Variants in UBFD1 observed in about 807,000 individuals in gnomAD.
UBFD1 encodes the protein ubiquitin domain-containing protein UBFD1.
A neutral mutation model predicts 35.1 loss-of-function variants in UBFD1; 12 were observed. The observed-to-expected ratio is 0.34, with a 90% confidence interval of 0.22 to 0.55. The LOEUF is 0.55. Ranked by LOEUF, UBFD1 falls within the 20% of genes least tolerant of loss-of-function variation. UBFD1 has a pLI of 0.89. For missense variants in UBFD1, 337 were observed against 410.8 expected, an observed-to-expected ratio of 0.82 and a Z score of 1.55; for synonymous variants, 178 against 167.6, an observed-to-expected ratio of 1.06 and a Z score of -0.48.
At chr16:23,561,741 G>T (rs1965937323) in intron 3 of UBFD1, 1 of 152,912 alleles carries the variant, frequency 6.5e-6, no homozygotes, top group South Asian at 2.1e-4. Flanking sequence ...GTTGAAAAAG[G>T]TGGGTGCCAT....
In UBFD1 at chr16:23,572,256, A is replaced by C. The variant is rs770919458; in HGVS notation, c.*1666A>C. 6.6e-6 allele frequency: 1 copy of C among 152,562 alleles called. No homozygotes were observed. Among genetic ancestry groups the C allele is most frequent in the Non-Finnish European group, 1.5e-5 (1 of 68,040 alleles). The allele number at this position is 152,562 out of a possible 1,614,324, so 9.5% of individuals were successfully genotyped here. A position where few individuals can be genotyped will look rare whatever the true frequency, so the allele number is the denominator to read the frequency against. On this transcript the variant is annotated 3_prime_UTR_variant, in exon 7 of 7. Coordinates refer to ENST00000395878, the MANE Select transcript of UBFD1 (RefSeq NM_019116.3). Reference sequence around the variant, plus strand: ...TTTGGGGGCAATTAGTACATTTGTGAAGTGCAGCATCCAAGAAACAGCCTG... The same window carrying C: ...TTTGGGGGCAATTAGTACATTTGTGCAGTGCAGCATCCAAGAAACAGCCTG...
chr16:23,561,891 C>A, intron 3 of UBFD1: 1 of 226,146 alleles, frequency 4.4e-6, no homozygotes, highest in Non-Finnish European at 8.4e-6. Flanking sequence ...ACTTTGATAT[C>A]TAATATGGTA....
intron 3 of UBFD1, 108 bp downstream of exon 3, chr16:23,559,784 A>C: frequency 6.4e-7 from 1 of 1,555,904 alleles, no homozygotes; most frequent in East Asian, 2.4e-5. Context: ...GACAGGGCCC[A>C]TGATGGAAAT....
chr16:23,560,951 G>A (rs1042060509), intron 3 of UBFD1, among the ~76,000 whole-genome samples: 2 of 152,096 alleles, frequency 1.3e-5, no homozygotes, highest in Non-Finnish European at 2.9e-5. Context: ...AGGAGTGGTC[G>A]CAATGGTCAC....
At chr16:23,562,800 A>G (rs537463585) in intron 5 of UBFD1, 70 bp downstream of exon 5, 152 of 1,355,830 alleles carry the variant, frequency 1.1e-4, no homozygotes, top group Non-Finnish European at 1.5e-4. Flanking sequence ...CACATTTTAG[A>G]GTGCGATTTC....
intron 3 of UBFD1, chr16:23,559,942 G>T: frequency 1.4e-6 from 2 of 1,393,030 alleles, no homozygotes; most frequent in South Asian, 2.9e-5. Context: ...TGTGTTGAAA[G>T]GAATCAGACG....
intron 4 of UBFD1, 65 bp downstream of exon 4, chr16:23,562,336 C>T: frequency 6.9e-7 from 1 of 1,449,192 alleles, no homozygotes; most frequent in Non-Finnish European, 9.5e-7. Context: ...CTTGAGGTTC[C>T]TCCAATCCTG....
Position 23,572,178 on chromosome 16 carries a change from G to C in UBFD1, c.*1588G>C, listed in dbSNP as rs563321158. 6.5e-6 allele frequency: 1 copy of C among 152,732 alleles called. No homozygotes were observed. The highest frequency in any genetic ancestry group is 2.1e-4 in the South Asian group (1 of 4,822). The allele number at this position is 152,732 out of a possible 1,614,324, so 9.5% of individuals were successfully genotyped here. ...CATAGACAGACTCTTGCTTTCCATG[G>C]TGTAGTCAATGCCAAGTGATGCATC... On this transcript the variant is annotated 3_prime_UTR_variant, in exon 7 of 7. Coordinates refer to ENST00000395878, the MANE Select transcript of UBFD1 (RefSeq NM_019116.3).
Position 23,558,231 on chromosome 16 carries a change from C to G in UBFD1, c.307C>G (p.Leu103Val), listed in dbSNP as rs772737210. Residue 103 changes from leucine (L) to valine (V), a missense_variant, in exon 2 of 7, where the codon CTG (leucine) becomes GTG (valine). By Grantham distance (32) the Leu-to-Val change is conservative. Around this residue, in one of 4 missense-constraint regions of UBFD1, gnomAD observed 198 missense variants for 168.4 expected, o/e 1.18. Transcript: ENST00000395878. ...NKTKHDVKFP[L>V]DSTGSELKQK... ...GACCAAGCATGACGTGAAGTTCCCC[C>G]TGGACAGCACAGGCTCCGAGCTGAA... 2 of 1,609,766 alleles carry G rather than the reference C, an allele frequency of 1.2e-6. No individual in the cohort carries two copies. Among genetic ancestry groups the G allele is most frequent in the Non-Finnish European group, 8.5e-7 (1 of 1,178,326 alleles).
At chr16:23,562,810 C>A in intron 5 of UBFD1, 80 bp downstream of exon 5, 1 of 1,230,392 alleles carries the variant, frequency 8.1e-7, no homozygotes, top group Non-Finnish European at 1.2e-6. Context: ...AGTGCGATTT[C>A]ACCCCTCCTT....
In UBFD1 at chr16:23,557,977, A is replaced by G; in HGVS notation, c.53A>G (p.Glu18Gly). Residue 18 changes from glutamate to glycine, a missense_variant, in exon 2 of 7, where the codon GAG (glutamate) becomes GGG (glycine). Coordinates refer to ENST00000395878, the MANE Select transcript of UBFD1 (RefSeq NM_019116.3). ...DGMEEPGMDT[E>G]AETVATEAPA... ...ATGGAGGAACCTGGCATGGACACGG[A>G]GGCCGAGACTGTGGCTACTGAGGCT... 1 of 1,365,412 alleles carries G rather than the reference A, an allele frequency of 7.3e-7. No homozygotes were observed. The highest frequency in any genetic ancestry group is 9.4e-7 in the Non-Finnish European group (1 of 1,061,828). The allele number at this position is 1,365,412 out of a possible 1,614,324, so 84.6% of individuals were successfully genotyped here.
intron 4 of UBFD1, 137 bp downstream of exon 4, chr16:23,562,408 C>T: frequency 1.1e-5 from 10 of 882,076 alleles, no homozygotes; most frequent in Non-Finnish European, 1.7e-5. Context: ...GTCACCCAGG[C>T]TGGGGTGTGC....
At chr16:23,565,838 T>A (rs1419272215) in intron 5 of UBFD1, 1 of 152,008 alleles carries the variant, frequency 6.6e-6, no homozygotes, top group Non-Finnish European at 1.5e-5. Context: ...AGCTGTTTGC[T>A]GAGCCTCCCT....
At chr16:23,564,698 G>A (rs1017915130) in intron 5 of UBFD1, 3 of 152,250 alleles carry the variant, frequency 2.0e-5, no homozygotes, top group African/African-American at 4.8e-5. Flanking sequence ...ATGAAGATAG[G>A]TGCAGGCAGA....
At chr16:23,564,592 G>A (rs1307512461) in intron 5 of UBFD1, 3 of 152,212 alleles carry the variant, frequency 2.0e-5, no homozygotes, top group Non-Finnish European at 4.4e-5. Context: ...ACTTGCTGAA[G>A]TGCATAGACT....
intron 5 of UBFD1, among the ~76,000 whole-genome samples, chr16:23,563,072 A>C (rs1597040344): frequency 6.6e-6 from 1 of 150,382 alleles, no homozygotes; most frequent in African/African-American, 2.5e-5. Context: ...AGATTTCACT[A>C]ATCTGATTTT....
At chr16:23,559,972 T>C in intron 3 of UBFD1, 2 of 1,167,844 alleles carry the variant, frequency 1.7e-6, no homozygotes, top group Non-Finnish European at 2.3e-6. Context: ...CTCTCTTATT[T>C]AGTGCCAGAG....
At chr16:23,558,476 G>A (rs528715438) in intron 2 of UBFD1, among the ~76,000 whole-genome samples, 197 bp downstream of exon 2, 1 of 152,054 alleles carries the variant, frequency 6.6e-6, no homozygotes, top group African/African-American at 2.4e-5. Context: ...TGCAGAGCTG[G>A]GATTAAAGCC....
chr16:23,564,275 A>G (rs1965980282), intron 5 of UBFD1, among the ~76,000 whole-genome samples: 1 of 152,212 alleles, frequency 6.6e-6, no homozygotes. Context: ...AAACACAAAA[A>G]TCAGTGTTCA....
Sources: gnomAD v4.1 joint callset for allele counts (sites outside exome capture counted in the v4.1 genomes callset) on GRCh38, gnomAD v4.1.1 for gene constraint, gnomAD v4.1.1 regional missense constraint, MANE v1.5 for transcripts, NCBI Gene and HGNC (gene_info 2026-07-23, HGNC 2026-07-21) for gene names.